SLC23A2: variants seen among roughly 807,000 people sequenced by gnomAD.
The protein encoded by SLC23A2 is Na(+)/L-ascorbic acid transporter 2.
Under a neutral mutation model 73.3 loss-of-function variants are expected in SLC23A2, and 36 were observed. The ratio of observed to expected loss-of-function variants is 0.49; its 90% confidence interval spans 0.38 to 0.65. The LOEUF (loss-of-function observed/expected upper bound fraction) is 0.65, where lower values mean the gene tolerates loss of function less well. Among genes scored for constraint, SLC23A2 ranks in the 30% least tolerant of loss-of-function variants. The probability of loss-of-function intolerance (pLI) is 0.00; values close to 1 mark genes in which losing one functional copy is unlikely to be tolerated. For missense variants in SLC23A2, 507 were observed against 841.6 expected, an observed-to-expected ratio of 0.60 and a Z score of 4.92; for synonymous variants, 343 against 327.3, an observed-to-expected ratio of 1.05 and a Z score of -0.52.
At chr20:4,939,840 G>A (rs1029391709) in intron 2 of SLC23A2, among the ~76,000 whole-genome samples, 12 of 152,192 alleles carry the variant, frequency 7.9e-5, no homozygotes, top group African/African-American at 1.9e-4. Context: ...TGAAGAAAAC[G>A]ATAAAATATT....
chr20:4,940,547 C>T (rs1568633977), intron 2 of SLC23A2, among the ~76,000 whole-genome samples: 1 of 151,760 alleles, frequency 6.6e-6, no homozygotes, highest in South Asian at 2.1e-4. Context: ...CAATTGGTTA[C>T]CACCAAGTAA....
intron 9 of SLC23A2, among the ~76,000 whole-genome samples, chr20:4,880,320 C>G (rs550787364): frequency 1.3e-5 from 2 of 152,292 alleles, no homozygotes; most frequent in African/African-American, 4.8e-5. Flanking sequence ...CCTTCAGCAA[C>G]TATCTCGGCT....
intron 1 of SLC23A2, among the ~76,000 whole-genome samples, chr20:4,979,009 G>T (rs1404606602): frequency 6.6e-6 from 1 of 152,136 alleles, no homozygotes; most frequent in African/African-American, 2.4e-5. Flanking sequence ...ACCAGGCACG[G>T]TGGCTCACGT....
intron 2 of SLC23A2, among the ~76,000 whole-genome samples, chr20:4,965,828 G>A (rs577968989): frequency 1.1e-3 from 166 of 152,208 alleles, no homozygotes; most frequent in African/African-American, 3.7e-3. Context: ...TTAGCTGAGC[G>A]TGGTGGCATG....
At position 4,863,263 on chromosome 20, in the gene SLC23A2, A is replaced by G. The variant is rs145464557; in HGVS notation, c.1357-356T>C. 2.6e-5 allele frequency among the ~76,000 whole-genome samples: 4 copies of G among 152,278 alleles called. No homozygotes were observed. Among genetic ancestry groups the G allele is most frequent in the East Asian group, 3.9e-4 (2 of 5,168 alleles). ...TTTCCCCCAAAGTGCTTCAGCCTCA[A>G]TGCCAACTTCCCCACACCGGAAATC... On this transcript the variant is annotated intron_variant, in intron 13 of 16. Coordinates refer to ENST00000338244, the MANE Select transcript of SLC23A2 (RefSeq NM_005116.6). The surrounding 1 kb of genome is among the most constrained non-coding windows in gnomAD (Gnocchi z 4.8).
At chr20:4,988,026 T>C (rs915479981) in intron 1 of SLC23A2, among the ~76,000 whole-genome samples, 2 of 142,238 alleles carry the variant, frequency 1.4e-5, no homozygotes, top group Non-Finnish European at 3.0e-5. Context: ...TGGCCATGCG[T>C]GATGGTTCAC....
chr20:5,000,263 C>T (rs901811918), intron 1 of SLC23A2, among the ~76,000 whole-genome samples: 1 of 152,048 alleles, frequency 6.6e-6, no homozygotes, highest in African/African-American at 2.4e-5. Flanking sequence ...TGTAGACAAC[C>T]AGAAACGGTG....
chr20:4,852,510 T>G lies in SLC23A2; in HGVS notation c.*4462A>C, dbSNP rs1015554580. 6.6e-6 allele frequency: 1 copy of G among 152,536 alleles called. No homozygotes were observed. Among genetic ancestry groups the G allele is most frequent in the African/African-American group, 2.4e-5 (1 of 41,404 alleles). 9.4% of individuals were successfully genotyped at this position (152,536 alleles called of 1,614,324 possible). On this transcript the variant is annotated 3_prime_UTR_variant, in exon 17 of 17. Transcript: ENST00000338244. This position sits in a 1 kb window ranked among gnomAD's most constrained non-coding sequence, Gnocchi z 4.3. ...ATGAAGCCATGTTAGAAAAACAATA[T>G]GAAAATTCTTTTTAAAAACTCCATA...
At chr20:4,935,094 G>A (rs1455970764) in intron 2 of SLC23A2, among the ~76,000 whole-genome samples, 3 of 150,950 alleles carry the variant, frequency 2.0e-5, no homozygotes, top group African/African-American at 7.3e-5. Context: ...GGCTGAGGCA[G>A]GAGAATGGCG....
intron 1 of SLC23A2, among the ~76,000 whole-genome samples, chr20:4,988,144 C>CA (rs955892816): frequency 3.3e-5 from 5 of 150,786 alleles, no homozygotes; most frequent in African/African-American, 9.8e-5. Flanking sequence ...ACTAAAAATA[C>CA]AAAAAAAATT....
chr20:4,864,889 T>A (rs1355161067), intron 13 of SLC23A2, among the ~76,000 whole-genome samples: 1 of 152,218 alleles, frequency 6.6e-6, no homozygotes, highest in Non-Finnish European at 1.5e-5. Context: ...AGGGCCAAAC[T>A]GGCCCCAGGG....
chr20:4,876,657 T>G (rs1440975269), intron 9 of SLC23A2, among the ~76,000 whole-genome samples: 1 of 152,166 alleles, frequency 6.6e-6, no homozygotes, highest in Non-Finnish European at 1.5e-5. Context: ...TACTTTAAAA[T>G]GTTACGCAAG....
chr20:4,972,228 T>C (rs79774064), intron 1 of SLC23A2, among the ~76,000 whole-genome samples: 1,849 of 152,246 alleles, frequency 0.012, 32 homozygotes, highest in East Asian at 0.049. Context: ...TGTTGAGACA[T>C]CAACTTTTAC....
intron 1 of SLC23A2, among the ~76,000 whole-genome samples, chr20:4,981,777 C>A (rs2087730467): frequency 6.6e-6 from 1 of 151,300 alleles, no homozygotes; most frequent in Non-Finnish European, 1.5e-5. Flanking sequence ...TCTCGGCTCA[C>A]CACAACCTCC....
chr20:4,858,155 C>T (rs1410493824), intron 16 of SLC23A2, among the ~76,000 whole-genome samples: 5 of 152,122 alleles, frequency 3.3e-5, no homozygotes, highest in Non-Finnish European at 5.9e-5. Context: ...TCCATTTTAG[C>T]GTGTCTGGTG....
At chr20:4,907,245 T>C (rs1292017718) in intron 4 of SLC23A2, among the ~76,000 whole-genome samples, 2 of 152,020 alleles carry the variant, frequency 1.3e-5, no homozygotes, top group African/African-American at 4.8e-5. Flanking sequence ...GATTCCTTTC[T>C]AGAGAAAGTT....
chr20:4,882,505 A>T (rs1305716869), intron 9 of SLC23A2, among the ~76,000 whole-genome samples: 4 of 152,188 alleles, frequency 2.6e-5, no homozygotes, highest in Non-Finnish European at 5.9e-5. Flanking sequence ...TAATTTGTAA[A>T]GTGTAGATAA....
intron 1 of SLC23A2, among the ~76,000 whole-genome samples, chr20:4,980,371 T>C (rs2087706595): frequency 6.6e-6 from 1 of 152,082 alleles, no homozygotes; most frequent in Non-Finnish European, 1.5e-5. Context: ...AAATAAAACA[T>C]GATGTATTCA....
chr20:4,896,385 G>A (rs913951934), intron 6 of SLC23A2, among the ~76,000 whole-genome samples: 2 of 152,144 alleles, frequency 1.3e-5, no homozygotes, highest in African/African-American at 4.8e-5. Flanking sequence ...AGCAAGGGGT[G>A]CAGGCAACAC....
Sources: gnomAD v4.1 joint callset for allele counts (sites outside exome capture counted in the v4.1 genomes callset) on GRCh38, gnomAD v4.1.1 for gene constraint, Gnocchi (gnomAD v3.1) non-coding constraint, MANE v1.5 for transcripts, NCBI Gene and HGNC (gene_info 2026-07-23, HGNC 2026-07-21) for gene names.